TYMP: variants seen among roughly 807,000 people sequenced by gnomAD.
TYMP encodes the protein gliostatin.
Under a neutral mutation model 42.3 loss-of-function variants are expected in TYMP, and 46 were observed. The ratio of observed to expected loss-of-function variants is 1.09; its 90% CI spans 0.86 to 1.39. TYMP has a LOEUF of 1.39. TYMP is among the 40% of genes most tolerant of loss of function. The pLI is 0.00. For missense variants in TYMP, 837 were observed against 677.6 expected (o/e 1.24, Z -2.61); for synonymous variants, 363 against 308.0 (o/e 1.18, Z -1.87).
rs1017062567 is a variant in TYMP at position 50,527,831 on chromosome 22, G to C, written c.517-114C>G. 11 of 1,409,592 alleles carry C rather than the reference G, an allele frequency of 7.8e-6. No homozygotes were observed. The African/African-American group carries it at 1.4e-4, about 18-fold the overall frequency. The allele number at this position is 1,409,592 out of a possible 1,614,324, so 87.3% of individuals were successfully genotyped here. On this transcript the variant is annotated intron_variant, in intron 4 of 9. Transcript: ENST00000252029. ...CCTCTGTTGCCCAGGCTGGAGTGCAGTTGGCACAATTTCGGCTCATTGTGA... is the reference window on the plus strand; with the variant it reads ...CCTCTGTTGCCCAGGCTGGAGTGCACTTGGCACAATTTCGGCTCATTGTGA...
rs1284702186 is a variant in TYMP, at chr22:50,527,696, C to G, written c.538G>C (p.Ala180Pro). The G allele has an allele frequency of 1.9e-6, 3 of 1,613,758 alleles. No homozygotes were observed. Among genetic ancestry groups the G allele is most frequent in the Non-Finnish European group, 2.5e-6 (3 of 1,179,992 alleles). ...CTCTGACCCACGATACAGCAGCCCG[C>G]CTGGTCCAGCAGCACTTGCATCTGG... ...PEQMQVLLDQ[A>P]GCCIVGQSEQ... Residue 180 changes from alanine to proline, a missense_variant, in exon 5 of 10, where the codon GCG becomes CCG. Ala to Pro is a conservative substitution (Grantham distance 27). Transcript: ENST00000252029.
At position 50,526,332 on chromosome 22, in the gene TYMP, C is replaced by G; in HGVS notation, c.1073G>C (p.Arg358Pro). ...TGCGGGACTTCCCGAGCACAGGGCTCGGGCCAGACCGGGATCCACGCCCTG... is the reference window on the plus strand; with the variant it reads ...TGCGGGACTTCCCGAGCACAGGGCTGGGGCCAGACCGGGATCCACGCCCTG... ...AAQGVDPGLA[R>P]ALCSGSPAER... The change falls in exon 8 of 10, where the codon CGA (arginine) becomes CCA (proline). Residue 358 changes from arginine to proline, a missense_variant. By Grantham distance (103) the Arg-to-Pro change is moderately radical. Coordinates refer to ENST00000252029, the MANE Select transcript of TYMP (RefSeq NM_001953.5). 6.4e-7 allele frequency: 1 copy of G among 1,559,818 alleles called. No homozygotes were observed. The highest frequency in any genetic ancestry group is 8.6e-7 in the Non-Finnish European group (1 of 1,163,752).
rs1316083428 is a variant in TYMP at position 50,529,487 on chromosome 22, C to T, written c.214+9G>A. 1 of 1,612,258 alleles carries T rather than the reference C, an allele frequency of 6.2e-7. No homozygotes were observed. Among genetic ancestry groups the T allele is most frequent in the Admixed American group, 1.7e-5 (1 of 60,024 alleles). The stretch of plus-strand genomic sequence containing the variant: ...TCGGGGTCAGGAACGCCCAACCCTC[C>T]CCACGCACCGATCTGTGCGCCCTGC... On this transcript the variant is annotated intron_variant, in intron 2 of 9. Transcript: ENST00000252029.
chr22:50,526,136 C>T lies in TYMP; in HGVS notation c.1165G>A (p.Val389Met), dbSNP rs1445298085. 4 of 1,485,174 alleles carry T rather than the reference C, an allele frequency of 2.7e-6. No homozygotes were observed. Among genetic ancestry groups the T allele is most frequent in the South Asian group, 1.3e-5 (1 of 78,126 alleles). 92.0% of individuals were successfully genotyped at this position (1,485,174 alleles called of 1,614,324 possible). A position where few individuals can be genotyped will look rare whatever the true frequency, so the allele number is the denominator to read the frequency against. Reference protein sequence around the residue: ...EELLAPADGTVELVRALPLAL... With the variant: ...EELLAPADGTMELVRALPLAL... ...AGCGGCAGCGCCCGGACCAGCTCCA[C>T]GGTGCCTGCGGGGAGAGGGGCTGAG... Residue 389 changes from valine to methionine, a missense_variant, in exon 9 of 10, where the codon GTG becomes ATG. Val to Met is a conservative substitution (Grantham distance 21). Transcript: ENST00000252029.
rs1264647720 is a variant in TYMP at position 50,529,716 on chromosome 22, G to T, written c.-7C>A. The T allele has an allele frequency of 2.5e-6, 4 of 1,605,656 alleles. No homozygotes were observed. The Admixed American group carries it at 5.1e-5, about 20-fold the overall frequency. On this transcript the variant is annotated 5_prime_UTR_variant, in exon 2 of 10. Transcript: ENST00000252029. ...GGGTCATCAAGGCTGCCATCGCTCC[G>T]GGCCTGCGGGGATGCCTGACACGTC... is the stretch of plus-strand genomic sequence containing the variant.
Position 50,526,410 on chromosome 22 carries a change from G to A in TYMP, c.995C>T (p.Ala332Val), listed in dbSNP as rs778306525. ...TQAQGAARVA[A>V]ALDDGSALGR... is the part of the protein sequence containing the mutation. ...AAGGGCCGAGCCGTCGTCCAGCGCC[G>A]CGGCCACCCGGGCAGCGCCCTGGGC... The change falls in exon 8 of 10, where the codon GCG (alanine) becomes GTG (valine). Residue 332 changes from alanine (A) to valine (V), a missense_variant. Physicochemically the swap from Ala to Val is moderately conservative, Grantham distance 64. Transcript: ENST00000252029. 226 of 1,512,978 alleles carry A rather than the reference G, an allele frequency of 1.5e-4. 1 individual carries two copies. The highest frequency in any genetic ancestry group is 5.3e-5 in the Non-Finnish European group (61 of 1,140,294). The allele number at this position is 1,512,978 out of a possible 1,614,324, so 93.7% of individuals were successfully genotyped here. A position where few individuals can be genotyped will look rare whatever the true frequency, so the allele number is the denominator to read the frequency against.
rs1348985658 is a variant in TYMP at position 50,525,888 on chromosome 22, C to T, written c.1331G>A (p.Gly444Asp). The stretch of plus-strand genomic sequence containing the variant: ...GCTCTGCGGGCCGCTGAGCGCGGGG[C>T]CGTCCCGGTGCACGCGGAGCCAGGG... ...GTPWLRVHRDGPALSGPQSRA... is the reference protein window; with the variant it reads ...GTPWLRVHRDDPALSGPQSRA... The change falls in exon 10 of 10, where the codon GGC (glycine) becomes GAC (aspartate). Residue 444 changes from glycine to aspartate, a missense_variant. Transcript: ENST00000252029. The T allele has an allele frequency of 1.9e-6, 3 of 1,575,620 alleles. No homozygotes were observed. The highest frequency in any genetic ancestry group is 2.6e-6 in the Non-Finnish European group (3 of 1,162,384).
At position 50,526,270 on chromosome 22, in the gene TYMP, C is replaced by A; in HGVS notation, c.1135G>T (p.Glu379Ter). 1 of 1,542,570 alleles carries A rather than the reference C, an allele frequency of 6.5e-7. No homozygotes were observed. The highest frequency in any genetic ancestry group is 1.4e-5 in the African/African-American group (1 of 70,958). ...CCATCTGCGGGCGCCAGCAGCTCCT[C>A]CTGCTCCCGGGCGCGAGGCAGCAGC... The part of the protein sequence containing the change: ...RQLLPRAREQ[E>*]ELLAPADGTV... The change falls in exon 8 of 10, where the codon GAG (glutamate) becomes TAG (stop). Residue 379 changes from glutamate (E) to a stop codon, truncating the protein, a stop_gained. Coordinates refer to ENST00000252029, the MANE Select transcript of TYMP (RefSeq NM_001953.5). LOFTEE classifies it high-confidence loss of function.
intron 5 of TYMP, 132 bp from the exon 6 acceptor site, chr22:50,527,415 AC>A: frequency 7.9e-7 from 1 of 1,263,732 alleles, no homozygotes; most frequent in South Asian, 1.2e-5. Context: ...GGGTGGCAGC[AC>A]CTGGTGGGTT....
chr22:50,529,443 T>C, intron 2 of TYMP, 53 bp downstream of exon 2: 1 of 1,608,378 alleles, frequency 6.2e-7, no homozygotes, highest in Non-Finnish European at 8.5e-7. Flanking sequence ...ACCCAAAGTC[T>C]CTCGGGCTGA....
intron 4 of TYMP, 126 bp downstream of exon 4, chr22:50,528,386 C>G (rs1261379550): frequency 5.9e-6 from 5 of 854,626 alleles, no homozygotes; most frequent in Non-Finnish European, 9.6e-6. Flanking sequence ...GGCCCAGTGA[C>G]TCATGAGTAA....
intron 4 of TYMP, chr22:50,528,014 T>TA: frequency 2.3e-6 from 1 of 425,868 alleles, no homozygotes; most frequent in East Asian, 5.1e-5. Context: ...TGGGCTCCTC[T>TA]GCCTCCCAGA....
intron 2 of TYMP, 58 bp downstream of exon 2, chr22:50,529,438 A>C: frequency 1.2e-6 from 2 of 1,607,730 alleles, no homozygotes; most frequent in Non-Finnish European, 1.7e-6. Context: ...CAGGGACCCA[A>C]AGTCTCTCGG....
At position 50,528,506 on chromosome 22, in the gene TYMP, C is replaced by G; in HGVS notation, c.516+6G>C. On this transcript the variant is annotated splice_donor_region_variant and intron_variant, in intron 4 of 9. Coordinates refer to ENST00000252029, the MANE Select transcript of TYMP (RefSeq NM_001953.5). ...GGATTAATGACTGATCCGTGGCGCC[C>G]CGTACCTGCTCTGGGCTCTGGATGA... 7 of 1,613,248 alleles carry G rather than the reference C, an allele frequency of 4.3e-6. No individual in the cohort carries two copies. Among genetic ancestry groups the G allele is most frequent in the Non-Finnish European group, 5.9e-6 (7 of 1,179,562 alleles).
In TYMP at chr22:50,526,029, C is replaced by T. The variant is rs1188024229; in HGVS notation, c.1272G>A (p.Leu424=). The change falls in exon 9 of 10, where the codon CTG becomes CTA. Residue 424 remains leucine (L), a synonymous_variant. Transcript: ENST00000252029. ...GGCGCAGCCTCTGACCCACGTCGAC[C>T]AGCAGCTCTGCGCCCACCCCCAGGC... is the stretch of plus-strand genomic sequence containing the variant. ...PLRLGVGAEL[L]VDVGQRLRRG... is the part of the protein sequence containing the mutation. The T allele has an allele frequency of 6.8e-7, 1 of 1,475,074 alleles. No individual in the cohort carries two copies. The highest frequency in any genetic ancestry group is 8.9e-7 in the Non-Finnish European group (1 of 1,120,272). The allele number at this position is 1,475,074 out of a possible 1,614,324, so 91.4% of individuals were successfully genotyped here. A position where few individuals can be genotyped will look rare whatever the true frequency, so the allele number is the denominator to read the frequency against.
chr22:50,529,832 C>G, intron 1 of TYMP, 72 bp downstream of exon 1: 1 of 921,012 alleles, frequency 1.1e-6, no homozygotes. Context: ...GCCCCTCGGT[C>G]CCGTGTCTGT....
Position 50,525,990 on chromosome 22 carries a change from G to A in TYMP, c.1300+11C>T, listed in dbSNP as rs1431803076. The A allele has an allele frequency of 7.1e-7, 1 of 1,408,886 alleles. No homozygotes were observed. Among genetic ancestry groups the A allele is most frequent in the Middle Eastern group, 2.5e-4 (1 of 3,972 alleles). 87.3% of individuals were successfully genotyped at this position (1,408,886 alleles called of 1,614,324 possible). A position where few individuals can be genotyped will look rare whatever the true frequency, so the allele number is the denominator to read the frequency against. ...GGGGTGCGGGGCCAGCAGGGCGGGG[G>A]CGGCGCTCACCACGGCGCAGCCTCT... On this transcript the variant is annotated intron_variant, in intron 9 of 9. Transcript: ENST00000252029.
chr22:50,526,396 C>A lies in TYMP; in HGVS notation c.1009G>T (p.Gly337Cys). The change falls in exon 8 of 10, where the codon GGC becomes TGC. Residue 337 changes from glycine (G) to cysteine (C), a missense_variant. Physicochemically the swap from Gly to Cys is radical, Grantham distance 159. Coordinates refer to ENST00000252029, the MANE Select transcript of TYMP (RefSeq NM_001953.5). Reference sequence around the variant, plus strand: ...CGCTCGAAGCGGCCAAGGGCCGAGCCGTCGTCCAGCGCCGCGGCCACCCGG... The same window carrying A: ...CGCTCGAAGCGGCCAAGGGCCGAGCAGTCGTCCAGCGCCGCGGCCACCCGG... ...AARVAAALDD[G>C]SALGRFERML... The A allele has an allele frequency of 6.6e-7, 1 of 1,522,860 alleles. No individual in the cohort carries two copies. The highest frequency in any genetic ancestry group is 1.2e-5 in the South Asian group (1 of 82,588). 94.3% of individuals were successfully genotyped at this position (1,522,860 alleles called of 1,614,324 possible).
chr22:50,525,767 GC>G lies in TYMP; in HGVS notation c.*2del. ...ACTGACAAGGTTTCGCGGCAAAGGA[GC>G]TTTATTGCTGCGGCGGCAGAACGAG... On this transcript the variant is annotated 3_prime_UTR_variant, in exon 10 of 10. Coordinates refer to ENST00000252029, the MANE Select transcript of TYMP (RefSeq NM_001953.5). 1 of 1,610,702 alleles carries G rather than the reference GC, an allele frequency of 6.2e-7. No homozygotes were observed. The highest frequency in any genetic ancestry group is 8.5e-7 in the Non-Finnish European group (1 of 1,178,954).
Sources: gnomAD v4.1 joint callset for allele counts on GRCh38, gnomAD v4.1.1 for gene constraint, MANE v1.5 for transcripts, NCBI Gene and HGNC (gene_info 2026-07-23, HGNC 2026-07-21) for gene names.